PHF24: variants seen among roughly 807,000 people sequenced by gnomAD.
PHF24 encodes Galpha inhibitory interacting protein.
In PHF24, 25 loss-of-function variants were observed where a neutral mutation model predicts 42.6. The observed-to-expected ratio is 0.59, with a 90% confidence interval of 0.43 to 0.82. PHF24 has a LOEUF of 0.82. Ranked by LOEUF, PHF24 falls within the 40% of genes least tolerant of loss-of-function variation. PHF24 has a pLI of 0.00. For synonymous variants in PHF24, 185 were observed against 204.8 expected, an observed-to-expected ratio of 0.90 and a Z score of 0.83; for missense variants, 470 against 538.1, an observed-to-expected ratio of 0.87 and a Z score of 1.25.
At chr9:34,795,149 G>C in the PHF24 span, among the ~76,000 whole-genome samples, 26 of 152,114 alleles carry the variant, frequency 1.7e-4, no homozygotes, top group African/African-American at 6.0e-4. Context: ...AGAAATCATG[G>C]ATTTCTTGAG....
At chr9:34,824,705 G>T in the PHF24 span, among the ~76,000 whole-genome samples, 1 of 152,132 alleles carries the variant, frequency 6.6e-6, no homozygotes, top group African/African-American at 2.4e-5. Flanking sequence ...AGGGACTTAG[G>T]CTTATGCATA....
At chr9:34,935,226 G>A in the PHF24 span, among the ~76,000 whole-genome samples, 2 of 152,086 alleles carry the variant, frequency 1.3e-5, no homozygotes, top group Non-Finnish European at 2.9e-5. Flanking sequence ...AAGGCCACTG[G>A]GGACCTTTAC....
chr9:34,899,050 C>T, the PHF24 span, among the ~76,000 whole-genome samples: 2 of 152,186 alleles, frequency 1.3e-5, no homozygotes, highest in African/African-American at 4.8e-5. Flanking sequence ...GACAAGGGTG[C>T]TTGTGTGGAC....
chr9:34,928,924 G>A, the PHF24 span, among the ~76,000 whole-genome samples: 1 of 152,070 alleles, frequency 6.6e-6, no homozygotes, highest in African/African-American at 2.4e-5. Flanking sequence ...AGTCCTCTTG[G>A]TACCCTGGGG....
At chr9:34,666,027 C>T in the PHF24 span, 6 of 330,048 alleles carry the variant, frequency 1.8e-5, no homozygotes, top group East Asian at 6.8e-5. Context: ...CCCGCCCTCC[C>T]TGGCTCCACC....
chr9:34,809,732 C>A, the PHF24 span, among the ~76,000 whole-genome samples: 1 of 152,170 alleles, frequency 6.6e-6, no homozygotes, highest in Non-Finnish European at 1.5e-5. The surrounding 1 kb of genome is among the most constrained non-coding windows in gnomAD (Gnocchi z 4.1). Flanking sequence ...AGCCCTGCGC[C>A]CCCTCCGGGC....
chr9:34,732,237 C>A, the PHF24 span, among the ~76,000 whole-genome samples: 1 of 152,084 alleles, frequency 6.6e-6, no homozygotes. Flanking sequence ...CAAGGGTTCT[C>A]TTTTTCTCCA....
At chr9:34,873,208 A>G in the PHF24 span, among the ~76,000 whole-genome samples, 1 of 151,692 alleles carries the variant, frequency 6.6e-6, no homozygotes, top group Non-Finnish European at 1.5e-5. Flanking sequence ...CTTTAGTTTA[A>G]TTAGATCCCA....
chr9:34,920,065 T>C, the PHF24 span, among the ~76,000 whole-genome samples: 2 of 152,194 alleles, frequency 1.3e-5, no homozygotes, highest in Admixed American at 1.3e-4. Flanking sequence ...CTTTTGGGCA[T>C]ATACCTAGCA....
Position 34,971,277 on chromosome 9 carries a change from T to C in PHF24, c.-4-18T>C. On this transcript the variant is annotated intron_variant, in intron 1 of 7. Transcript: ENST00000242315. ...CAGCCATTGGCTGAACCTGTGCCCC[T>C]CTGCTTTTTGTCCACAGAGCCATGG... The C allele has an allele frequency of 1.3e-6, 2 of 1,574,714 alleles. No homozygotes were observed. Among genetic ancestry groups the C allele is most frequent in the Non-Finnish European group, 1.7e-6 (2 of 1,155,152 alleles).
the PHF24 span, among the ~76,000 whole-genome samples, chr9:34,940,531 C>G: frequency 6.6e-6 from 1 of 152,238 alleles, no homozygotes; most frequent in Admixed American, 6.5e-5. Context: ...TCAGAAAGAT[C>G]AGTTGAGGCC....
chr9:34,859,512 C>T, the PHF24 span, among the ~76,000 whole-genome samples: 1 of 152,032 alleles, frequency 6.6e-6, no homozygotes. Context: ...TTTTTCTAGA[C>T]CTTTGACTGT....
chr9:34,751,865 A>G, the PHF24 span, among the ~76,000 whole-genome samples: 15 of 152,330 alleles, frequency 9.8e-5, no homozygotes, highest in African/African-American at 2.9e-4. Flanking sequence ...TCTGAGCACA[A>G]TGGAATAAAA....
chr9:34,917,609 C>T, the PHF24 span: 1 of 775,992 alleles, frequency 1.3e-6, no homozygotes, highest in Non-Finnish European at 2.4e-6. Flanking sequence ...GACAAATGGC[C>T]ACCCCTTTGG....
At chr9:34,939,389 G>A in the PHF24 span, among the ~76,000 whole-genome samples, 9 of 152,186 alleles carry the variant, frequency 5.9e-5, no homozygotes, top group African/African-American at 2.2e-4. Flanking sequence ...GATATTGGGG[G>A]AAATGCCTGC....
chr9:34,971,698 G>C, intron 2 of PHF24, 22 bp downstream of exon 2: 3 of 1,581,088 alleles, frequency 1.9e-6, no homozygotes, highest in Non-Finnish European at 2.6e-6. Flanking sequence ...GTTAGGACAG[G>C]ATCCTCAAGT....
At chr9:34,803,436 C>T in the PHF24 span, among the ~76,000 whole-genome samples, 48,495 of 150,558 alleles carry the variant, frequency 0.32, 8,334 homozygotes, top group East Asian at 0.56. Flanking sequence ...ACATCCTGGA[C>T]GCAGCACATT....
the PHF24 span, among the ~76,000 whole-genome samples, chr9:34,857,758 CT>C: frequency 3.3e-5 from 5 of 152,226 alleles, no homozygotes; most frequent in Non-Finnish European, 7.3e-5. Flanking sequence ...CCCCATCCCC[CT>C]GACTGTATAT....
At chr9:34,766,784 TAG>T in the PHF24 span, among the ~76,000 whole-genome samples, 1 of 152,244 alleles carries the variant, frequency 6.6e-6, no homozygotes, top group South Asian at 2.1e-4. Flanking sequence ...CTCTGCTTTT[TAG>T]AGTTTCCAGT....
Sources: allele counts gnomAD v4.1 joint callset (sites outside exome capture counted in the v4.1 genomes callset), GRCh38; gene constraint gnomAD v4.1.1; non-coding constraint Gnocchi (gnomAD v3.1); transcripts MANE v1.5; gene names NCBI Gene and HGNC (gene_info 2026-07-23, HGNC 2026-07-21).